DNER: variants seen among roughly 807,000 people sequenced by gnomAD.
DNER encodes the protein delta/notch like EGF repeat containing, also known as delta and Notch-like epidermal growth factor-related receptor.
Under a neutral mutation model 78.2 loss-of-function variants are expected in DNER, and 33 were observed. The observed-to-expected ratio is 0.42, with a 90% CI of 0.32 to 0.56. The LOEUF (loss-of-function observed/expected upper bound fraction) is 0.56, where lower values mean the gene tolerates loss of function less well. Ranked by LOEUF, DNER falls within the 20% of genes least tolerant of loss-of-function variation. DNER has a pLI of 0.11. For synonymous variants in DNER, 417 were observed against 384.8 expected (o/e 1.08, Z -0.98); for missense variants, 918 against 975.3 (o/e 0.94, Z 0.78).
chr2:229,358,687 T>C (rs1692144934), intron 12 of DNER, 36 bp from the exon 13 acceptor site: 24 of 1,554,232 alleles, frequency 1.5e-5, no homozygotes, highest in East Asian at 1.1e-4. Context: ...GTTAGATAAA[T>C]ACTAGATCTC....
chr2:229,574,226 T>C (rs1475690698), intron 4 of DNER, among the ~76,000 whole-genome samples: 1 of 152,252 alleles, frequency 6.6e-6, no homozygotes, highest in African/African-American at 2.4e-5. Flanking sequence ...ATCCAGTAAA[T>C]TCCATATCTG....
chr2:229,470,046 C>T (rs13020947), intron 7 of DNER, among the ~76,000 whole-genome samples: 54,626 of 152,042 alleles, frequency 0.36, 11,528 homozygotes, highest in African/African-American at 0.59. Context: ...TAGGTACTGC[C>T]GATGCTGTTG....
intron 1 of DNER, among the ~76,000 whole-genome samples, chr2:229,602,329 A>G (rs1477558362): frequency 6.6e-6 from 1 of 152,182 alleles, no homozygotes; most frequent in Admixed American, 6.5e-5. Flanking sequence ...ATAGAAGGAA[A>G]TTTCTTTTAT....
chr2:229,503,526 T>A (rs1333947653), intron 6 of DNER, among the ~76,000 whole-genome samples: 2 of 152,110 alleles, frequency 1.3e-5, no homozygotes, highest in Admixed American at 6.6e-5. Flanking sequence ...TTGTCTCAGC[T>A]CAATTATAAC....
intron 10 of DNER, among the ~76,000 whole-genome samples, chr2:229,394,531 G>C (rs1014627181): frequency 1.3e-5 from 2 of 152,234 alleles, no homozygotes; most frequent in Non-Finnish European, 2.9e-5. Flanking sequence ...AGGGAATGAA[G>C]CGTCTGTGTG....
chr2:229,421,659 A>AGAGG (rs57547531), intron 8 of DNER, among the ~76,000 whole-genome samples: 39,427 of 144,234 alleles, frequency 0.27, 5,810 homozygotes, highest in East Asian at 0.42. Flanking sequence ...AGAGAGAGAG[A>AGAGG]GAGAAAGTGG....
intron 1 of DNER, among the ~76,000 whole-genome samples, chr2:229,685,203 C>T (rs950601754): frequency 1.2e-4 from 18 of 151,262 alleles, no homozygotes; most frequent in Admixed American, 6.6e-4. Flanking sequence ...CAAAATAATG[C>T]TGTTTGCAAT....
chr2:229,371,794 C>A (rs1692489259), intron 11 of DNER, among the ~76,000 whole-genome samples: 1 of 152,116 alleles, frequency 6.6e-6, no homozygotes, highest in Admixed American at 6.5e-5. Flanking sequence ...AATTTGCTTA[C>A]CTATGTTATT....
At chr2:229,534,377 G>C (rs149403131) in intron 5 of DNER, among the ~76,000 whole-genome samples, 3,546 of 152,260 alleles carry the variant, frequency 0.023, 139 homozygotes, top group African/African-American at 0.08. Context: ...CCAATAGATT[G>C]TAATGTAACA....
intron 4 of DNER, among the ~76,000 whole-genome samples, chr2:229,551,494 C>A (rs928941065): frequency 6.6e-6 from 1 of 151,854 alleles, no homozygotes; most frequent in Non-Finnish European, 1.5e-5. Context: ...ATTAGCCAGG[C>A]GTGATGGTGA....
chr2:229,516,873 C>T (rs1184194396), intron 5 of DNER, among the ~76,000 whole-genome samples: 4 of 150,768 alleles, frequency 2.7e-5, no homozygotes, highest in Admixed American at 6.6e-5. Flanking sequence ...TTTGGGAGGC[C>T]GAGGTGGGCG....
intron 1 of DNER, among the ~76,000 whole-genome samples, chr2:229,602,500 A>G (rs2154214941): frequency 6.6e-6 from 1 of 152,304 alleles, no homozygotes; most frequent in African/African-American, 2.4e-5. Flanking sequence ...ATGAGGCAAA[A>G]ATAAAAAGAA....
chr2:229,373,480 C>T (rs1370976861), intron 11 of DNER, among the ~76,000 whole-genome samples: 1 of 152,142 alleles, frequency 6.6e-6, no homozygotes, highest in Admixed American at 6.5e-5. Context: ...AAAGGGAACA[C>T]GGTGTTGGTG....
At chr2:229,622,228 T>C (rs1482398583) in intron 1 of DNER, among the ~76,000 whole-genome samples, 4 of 152,256 alleles carry the variant, frequency 2.6e-5, no homozygotes, top group Non-Finnish European at 1.5e-5. Flanking sequence ...ACCTGAGCCC[T>C]GTACACCTGG....
At chr2:229,659,525 A>G (rs568189702) in intron 1 of DNER, among the ~76,000 whole-genome samples, 22 of 152,284 alleles carry the variant, frequency 1.4e-4, no homozygotes, top group African/African-American at 4.3e-4. Context: ...CCTTGAATAA[A>G]TCGGGTACCG....
intron 6 of DNER, among the ~76,000 whole-genome samples, chr2:229,491,954 C>T (rs1472427730): frequency 8.9e-6 from 1 of 112,008 alleles, no homozygotes; most frequent in Non-Finnish European, 2.1e-5. Flanking sequence ...CATGATTACA[C>T]ACACACACAC....
intron 6 of DNER, among the ~76,000 whole-genome samples, chr2:229,494,227 C>T (rs1361001258): frequency 6.6e-6 from 1 of 152,196 alleles, no homozygotes; most frequent in Non-Finnish European, 1.5e-5. Context: ...CTCATTCTAG[C>T]ATAATACCTA....
chr2:229,553,957 A>G (rs909574204), intron 4 of DNER, among the ~76,000 whole-genome samples: 1 of 152,242 alleles, frequency 6.6e-6, no homozygotes, highest in Non-Finnish European at 1.5e-5. Flanking sequence ...ATTATCTAGA[A>G]GAAACATTCC....
chr2:229,531,564 T>C (rs1696302708), intron 5 of DNER, among the ~76,000 whole-genome samples: 1 of 152,200 alleles, frequency 6.6e-6, no homozygotes, highest in African/African-American at 2.4e-5. Flanking sequence ...CTGGTGGGAA[T>C]GCAAAATGCT....
Sources: allele counts gnomAD v4.1 joint callset (sites outside exome capture counted in the v4.1 genomes callset), GRCh38; gene constraint gnomAD v4.1.1; transcripts MANE v1.5; gene names NCBI Gene and HGNC (gene_info 2026-07-23, HGNC 2026-07-21).